Variants in ABCG5 observed in about 807,000 individuals in gnomAD.
The protein encoded by ABCG5 is ATP binding cassette subfamily G member 5.
ABCG5 carries 64 observed loss-of-function variants against 64.5 expected under a neutral mutation model. The observed-to-expected ratio is 0.99, with a 90% CI of 0.81 to 1.22. The LOEUF is 1.22. Among genes scored for constraint, ABCG5 ranks in the 50% most tolerant of loss-of-function variants. The pLI, the probability that ABCG5 is intolerant of heterozygous loss-of-function variation, is 0.00. For missense variants in ABCG5, 908 were observed against 829.5 expected, an observed-to-expected ratio of 1.09 and a Z score of -1.16; for synonymous variants, 385 against 326.3, an observed-to-expected ratio of 1.18 and a Z score of -1.94.
At chr2:43,830,270 C>G (rs72875407) in intron 4 of ABCG5, among the ~76,000 whole-genome samples, 11,072 of 152,286 alleles carry the variant, frequency 0.073, 1,346 homozygotes, top group African/African-American at 0.25. Context: ...TTGGGATGAG[C>G]AAGTCCAACC....
chr2:43,811,912 C>CCTATTTA (rs1362619689), downstream of ABCG5, among the ~76,000 whole-genome samples: 1 of 152,120 alleles, frequency 6.6e-6, no homozygotes, highest in Non-Finnish European at 1.5e-5. Context: ...TTTTTAATAA[C>CCTATTTA]CTATTTACAT....
At chr2:43,811,906 T>C (rs1339564654), downstream of ABCG5, among the ~76,000 whole-genome samples, 2 of 152,212 alleles carry the variant, frequency 1.3e-5, no homozygotes. Flanking sequence ...AACCCATTTT[T>C]AATAACCTAT....
chr2:43,813,130 G>C lies in ABCG5; in HGVS notation c.1942C>G (p.Leu648Val). ...GIVVFKIRDH[L>V]ISR ...CATGGCTTTCACTACCTGCTAATGA[G>C]ATGATCCCTTATTTTGAAAACAACT... Residue 648 changes from leucine to valine, a missense_variant, in exon 13 of 13, where the codon CTC (leucine) becomes GTC (valine). Coordinates refer to ENST00000405322, the MANE Select transcript of ABCG5 (RefSeq NM_022436.3). 7.8e-7 allele frequency: 1 copy of C among 1,285,042 alleles called. No individual in the cohort carries two copies. Among genetic ancestry groups the C allele is most frequent in the Non-Finnish European group, 1.1e-6 (1 of 880,210 alleles). The allele number at this position is 1,285,042 out of a possible 1,614,324, so 79.6% of individuals were successfully genotyped here. A position where few individuals can be genotyped will look rare whatever the true frequency, so the allele number is the denominator to read the frequency against.
intron 12 of ABCG5, among the ~76,000 whole-genome samples, chr2:43,813,674 GT>G (rs1284706812): frequency 5.9e-4 from 12 of 20,282 alleles, no homozygotes; most frequent in South Asian, 1.6e-3. Context: ...TTTTTTGGTT[GT>G]TTTTTTTTTG....
the ABCG5 span, among the ~76,000 whole-genome samples, chr2:43,806,896 A>AT: frequency 1.3e-4 from 19 of 151,150 alleles, no homozygotes; most frequent in Non-Finnish European, 2.7e-4. Flanking sequence ...TTGGTTCGAG[A>AT]TTTTTTTTTA....
At chr2:43,817,609 A>T (rs1326335796) in intron 11 of ABCG5, among the ~76,000 whole-genome samples, 1 of 151,706 alleles carries the variant, frequency 6.6e-6, no homozygotes, top group African/African-American at 2.4e-5. Context: ...AAAATATTCT[A>T]AGTTAAAAAT....
downstream of ABCG5, among the ~76,000 whole-genome samples, chr2:43,808,757 C>G (rs925223892): frequency 7.2e-5 from 11 of 152,144 alleles, no homozygotes; most frequent in African/African-American, 2.4e-4. Flanking sequence ...ATTATGTTTT[C>G]ATGTGGCCAC....
intron 10 of ABCG5, among the ~76,000 whole-genome samples, chr2:43,820,779 A>C (rs996664502): frequency 6.6e-6 from 1 of 151,994 alleles, no homozygotes; most frequent in Non-Finnish European, 1.5e-5. Context: ...TCAGCCTCCC[A>C]AGTAGCTGGG....
chr2:43,836,128 G>C (rs1309566973), intron 2 of ABCG5, among the ~76,000 whole-genome samples: 1 of 151,940 alleles, frequency 6.6e-6, no homozygotes, highest in Non-Finnish European at 1.5e-5. Context: ...TTTTAGTAGA[G>C]ACGGGTTTTG....
At chr2:43,817,614 A>C (rs1294112322) in intron 11 of ABCG5, among the ~76,000 whole-genome samples, 2 of 151,804 alleles carry the variant, frequency 1.3e-5, no homozygotes, top group African/African-American at 4.8e-5. Flanking sequence ...ATTCTAAGTT[A>C]AAAATGCATT....
At position 43,838,007 on chromosome 2, in the gene ABCG5, C is replaced by T; in HGVS notation, c.144-52G>A. 1 of 1,611,452 alleles carries T rather than the reference C, an allele frequency of 6.2e-7. No individual in the cohort carries two copies. The highest frequency in any genetic ancestry group is 8.5e-7 in the Non-Finnish European group (1 of 1,178,566). Reference sequence around the variant, plus strand: ...AGGCAGCTTGGGGCCCTGGAAGGGGCCACACCCAGGTCCCCAGCATTGATC... The same window carrying T: ...AGGCAGCTTGGGGCCCTGGAAGGGGTCACACCCAGGTCCCCAGCATTGATC... On this transcript the variant is annotated intron_variant, in intron 1 of 12. Coordinates refer to ENST00000405322, the MANE Select transcript of ABCG5 (RefSeq NM_022436.3). The surrounding 1 kb of genome is among the most constrained non-coding windows in gnomAD (Gnocchi z 4.2).
At chr2:43,831,702 G>A in intron 4 of ABCG5, 67 bp downstream of exon 4, 1 of 1,440,580 alleles carries the variant, frequency 6.9e-7, no homozygotes, top group Non-Finnish European at 9.5e-7. Flanking sequence ...CGTAGGCGAA[G>A]AGAGGAGGGC....
At chr2:43,811,167 C>T (rs540647587), downstream of ABCG5, among the ~76,000 whole-genome samples, 1 of 152,286 alleles carries the variant, frequency 6.6e-6, no homozygotes, top group Admixed American at 6.5e-5. Flanking sequence ...TCCTGTGGGA[C>T]TCTCTTTGAA....
chr2:43,835,094 T>C (rs1668180427), intron 2 of ABCG5, among the ~76,000 whole-genome samples: 1 of 152,234 alleles, frequency 6.6e-6, no homozygotes, highest in South Asian at 2.1e-4. Context: ...TTGTAGAACT[T>C]GCAGCCCACT....
Position 43,831,834 on chromosome 2 carries a change from C to T in ABCG5, c.436G>A (p.Glu146Lys). The change falls in exon 4 of 13, where the codon GAG (glutamate) becomes AAG (lysine). Residue 146 changes from glutamate (E) to lysine (K), a missense_variant. Physicochemically the swap from Glu to Lys is moderately conservative, Grantham distance 56. Coordinates refer to ENST00000405322, the MANE Select transcript of ABCG5 (RefSeq NM_022436.3). ...DTLLSSLTVR[E>K]TLHYTALLAI... The stretch of plus-strand genomic sequence containing the variant: ...AGCAGCGCGGTGTAGTGCAGCGTCT[C>T]GCGCACGGTGAGGCTGCTCAGCAGG... 1.9e-6 allele frequency: 3 copies of T among 1,586,742 alleles called. No homozygotes were observed. Among genetic ancestry groups the T allele is most frequent in the East Asian group, 2.3e-5 (1 of 43,900 alleles).
intron 2 of ABCG5, among the ~76,000 whole-genome samples, chr2:43,837,313 G>T (rs1327841208): frequency 1.3e-5 from 2 of 151,152 alleles, no homozygotes; most frequent in African/African-American, 4.9e-5. Context: ...TAGAGATGGG[G>T]TCCCACTATG....
intron 10 of ABCG5, among the ~76,000 whole-genome samples, chr2:43,820,308 T>C (rs1046529662): frequency 2.6e-5 from 4 of 152,198 alleles, no homozygotes; most frequent in African/African-American, 9.6e-5. Context: ...CTGCAACTCA[T>C]TGGGAGCCAC....
At chr2:43,816,631 C>T (rs1666849804) in intron 11 of ABCG5, among the ~76,000 whole-genome samples, 1 of 152,166 alleles carries the variant, frequency 6.6e-6, no homozygotes, top group African/African-American at 2.4e-5. Context: ...GCAGCCTCCG[C>T]CTCCCAGGTT....
chr2:43,810,502 C>G, downstream of ABCG5: 2 of 985,286 alleles, frequency 2.0e-6, no homozygotes, highest in African/African-American at 1.7e-5. Context: ...GATGTGTGTA[C>G]CTGCTAGCCA....
Sources: gnomAD v4.1 joint callset for allele counts (sites outside exome capture counted in the v4.1 genomes callset) on GRCh38, gnomAD v4.1.1 for gene constraint, Gnocchi (gnomAD v3.1) non-coding constraint, MANE v1.5 for transcripts, NCBI Gene and HGNC (gene_info 2026-07-23, HGNC 2026-07-21) for gene names.